HLTF: variants seen among roughly 807,000 people sequenced by gnomAD.
HLTF encodes the protein helicase like transcription factor.
HLTF carries 127 observed loss-of-function variants against 129.4 expected under a neutral mutation model. The observed-to-expected ratio is 0.98, with a 90% CI of 0.85 to 1.14. The LOEUF (loss-of-function observed/expected upper bound fraction) is 1.14, where lower values mean the gene tolerates loss of function less well. HLTF is among the 50% of genes most tolerant of loss of function. HLTF has a pLI of 0.00. For synonymous variants in HLTF, 332 were observed against 388.8 expected (o/e 0.85, Z 1.72); for missense variants, 1,139 against 1,187.1 (o/e 0.96, Z 0.60).
chr3:149,074,487 G>C (rs1270127417), intron 3 of HLTF, 139 bp from the exon 4 acceptor site: 2 of 708,860 alleles, frequency 2.8e-6, no homozygotes, highest in Non-Finnish European at 4.2e-6. Context: ...GGGCAGACTT[G>C]AAAGAAAAAA....
At position 149,060,624 on chromosome 3, in the gene HLTF, G is replaced by T. The variant is rs764912700; in HGVS notation, c.1285+19C>A. On this transcript the variant is annotated intron_variant, in intron 12 of 24. Transcript: ENST00000310053. ...AATAATCTTGAAGTCTAGATTATGG[G>T]TATATAGTATACACATACCTTTCGC... 14 of 1,576,208 alleles carry T rather than the reference G, an allele frequency of 8.9e-6. No individual in the cohort carries two copies. The highest frequency in any genetic ancestry group is 1.2e-5 in the Non-Finnish European group (14 of 1,148,442).
At chr3:149,035,514 C>T (rs1010333613) in intron 23 of HLTF, among the ~76,000 whole-genome samples, 1 of 151,600 alleles carries the variant, frequency 6.6e-6, no homozygotes, top group Admixed American at 6.6e-5. Context: ...AAAAATTAGC[C>T]GGGAGAGGTG....
Position 149,086,034 on chromosome 3 carries a change from T to C in HLTF, c.20+283A>G, listed in dbSNP as rs570780530. Among the ~76,000 whole-genome samples the C allele has an allele frequency of 2.0e-4, 31 of 151,928 alleles. No homozygotes were observed. In the South Asian group the frequency reaches 6.5e-3, roughly 32 times the overall value. On this transcript the variant is annotated intron_variant, in intron 1 of 24. Transcript: ENST00000310053. ...GCGCACAGTGGGTATCTAATGGATG[T>C]TTTGTTAAATAAAGCACTGGCCGAG...
At chr3:149,040,950 T>G (rs948258897) in intron 20 of HLTF, among the ~76,000 whole-genome samples, 2 of 152,078 alleles carry the variant, frequency 1.3e-5, no homozygotes, top group African/African-American at 4.8e-5. Context: ...ACTAGTCAAC[T>G]TCAAAAAAAT....
intron 2 of HLTF, among the ~76,000 whole-genome samples, chr3:149,077,175 C>T (rs1243973194): frequency 6.6e-6 from 1 of 151,838 alleles, no homozygotes; most frequent in Non-Finnish European, 1.5e-5. Context: ...TTGAACCCGG[C>T]AGGCAGAGGT....
At chr3:149,075,270 T>C (rs892388257) in intron 3 of HLTF, among the ~76,000 whole-genome samples, 3 of 152,160 alleles carry the variant, frequency 2.0e-5, no homozygotes, top group Non-Finnish European at 2.9e-5. Flanking sequence ...ACTTCCAGGC[T>C]GGGCACGGTG....
At chr3:149,068,118 A>G (rs1005210576) in intron 8 of HLTF, 122 bp downstream of exon 8, 2 of 573,220 alleles carry the variant, frequency 3.5e-6, no homozygotes, top group Admixed American at 2.8e-5. Context: ...CATAAAAGAC[A>G]GAGAGACCAT....
chr3:149,042,418 C>A, intron 18 of HLTF, 128 bp from the exon 19 acceptor site: 4 of 764,740 alleles, frequency 5.2e-6, no homozygotes, highest in Non-Finnish European at 6.2e-6. Context: ...GAATGAAAAG[C>A]AGAAAAGCAA....
At chr3:149,063,690 C>T (rs1443977136) in intron 9 of HLTF, among the ~76,000 whole-genome samples, 166 bp from the exon 10 acceptor site, 1 of 151,930 alleles carries the variant, frequency 6.6e-6, no homozygotes. Flanking sequence ...TCTAGTATTT[C>T]CTCATTTCTA....
intron 13 of HLTF, among the ~76,000 whole-genome samples, chr3:149,059,027 T>C (rs1473996246): frequency 6.6e-6 from 1 of 152,242 alleles, no homozygotes; most frequent in Non-Finnish European, 1.5e-5. Context: ...GAGTCTATGT[T>C]AGCTTCATAA....
rs772965159 is a variant in HLTF at position 149,084,877 on chromosome 3, C to G, written c.33G>C (p.Trp11Cys). 2 of 1,611,436 alleles carry G rather than the reference C, an allele frequency of 1.2e-6. No individual in the cohort carries two copies. Among genetic ancestry groups the G allele is most frequent in the African/African-American group, 2.7e-5 (2 of 74,786 alleles). Residue 11 changes from tryptophan to cysteine, a missense_variant, in exon 2 of 25, where the codon TGG (tryptophan) becomes TGC (cysteine). Transcript: ENST00000310053. The stretch of plus-strand genomic sequence containing the variant: ...CATACTGGACAGTCTGCAAGTACTT[C>G]CAAACTGGATCCCTATTTTTTTTTA... MSWMFKRDPV[W>C]KYLQTVQYGV...
chr3:149,065,862 C>G (rs549415842), intron 8 of HLTF, among the ~76,000 whole-genome samples: 2 of 152,036 alleles, frequency 1.3e-5, no homozygotes, highest in African/African-American at 4.8e-5. Context: ...TTTAGAGATA[C>G]GTAACTAGAA....
In HLTF at chr3:149,031,224, T is replaced by G. The variant is rs1715008270; in HGVS notation, c.*996A>C. The G allele has an allele frequency of 2.0e-5, 3 of 152,622 alleles. No homozygotes were observed. The South Asian group carries it at 6.2e-4, about 32-fold the overall frequency. The allele number at this position is 152,622 out of a possible 1,614,324, so 9.5% of individuals were successfully genotyped here. ...TAGCTGTAAGGATGAATTACTCAAG[T>G]TCAAAATCAAATTCTGATTCTAAAC... On this transcript the variant is annotated 3_prime_UTR_variant, in exon 25 of 25. Transcript: ENST00000310053.
rs899978598 is a variant in HLTF, at chr3:149,031,180, A to C, written c.*1040T>G. 1.3e-5 allele frequency: 2 copies of C among 152,632 alleles called. No individual in the cohort carries two copies. The highest frequency in any genetic ancestry group is 1.3e-4 in the Admixed American group (2 of 15,282). 9.5% of individuals were successfully genotyped at this position (152,632 alleles called of 1,614,324 possible). ...AAGTAAAAAAAAAAGAAAAGAAAAA[A>C]GATGACTAATTCTACAGATAGCTGT... On this transcript the variant is annotated 3_prime_UTR_variant, in exon 25 of 25. Transcript: ENST00000310053.
chr3:149,071,447 T>C lies in HLTF; in HGVS notation c.703-4A>G. 6.2e-7 allele frequency: 1 copy of C among 1,607,822 alleles called. No individual in the cohort carries two copies. The highest frequency in any genetic ancestry group is 8.5e-7 in the Non-Finnish European group (1 of 1,176,922). On this transcript the variant is annotated splice_polypyrimidine_tract_variant and splice_region_variant and intron_variant, in intron 6 of 24. Transcript: ENST00000310053. ...GAAGCAGTGGTGTTTCAATAGCCTA[T>C]AAATAAAAAGTCATAAAGCGAAATA...
At chr3:149,035,367 GAC>G (rs1003102431) in intron 23 of HLTF, among the ~76,000 whole-genome samples, 9 of 151,726 alleles carry the variant, frequency 5.9e-5, no homozygotes, top group African/African-American at 1.9e-4. Flanking sequence ...TATGAGAAAA[GAC>G]ACAATTCTTG....
intron 19 of HLTF, 36 bp downstream of exon 19, chr3:149,042,130 C>A (rs1459685110): frequency 6.3e-7 from 1 of 1,586,592 alleles, no homozygotes; most frequent in Non-Finnish European, 8.6e-7. Context: ...GTATCTCTGA[C>A]AAATACAATG....
At position 149,073,025 on chromosome 3, in the gene HLTF, T is replaced by C. The variant is rs199668603; in HGVS notation, c.627+200A>G. Among the ~76,000 whole-genome samples, 3 of 152,342 alleles carry C rather than the reference T, an allele frequency of 2.0e-5. No homozygotes were observed. In the East Asian group the frequency reaches 5.8e-4, roughly 29 times the overall value. On this transcript the variant is annotated intron_variant, in intron 5 of 24. Coordinates refer to ENST00000310053, the MANE Select transcript of HLTF (RefSeq NM_003071.4). ...TATGTTGGGTACAAATGTTCACGTA[T>C]GGATTTATTCCTTATCAGTACTTTT...
rs573504908 is a variant in HLTF, at chr3:149,046,628, G to C, written c.1893-369C>G. On this transcript the variant is annotated intron_variant, in intron 17 of 24. Coordinates refer to ENST00000310053, the MANE Select transcript of HLTF (RefSeq NM_003071.4). ...CACTCAAATTCTAAGTATCTATTAA[G>C]TGCCAGGCACTGAATTAAATGTTGT... 6.6e-5 allele frequency among the ~76,000 whole-genome samples: 10 copies of C among 152,200 alleles called. No homozygotes were observed. In the East Asian group the frequency reaches 1.7e-3, roughly 26 times the overall value.
Sources: allele counts gnomAD v4.1 joint callset (sites outside exome capture counted in the v4.1 genomes callset), GRCh38; gene constraint gnomAD v4.1.1; transcripts MANE v1.5; gene names NCBI Gene and HGNC (gene_info 2026-07-23, HGNC 2026-07-21).